The following FSHR variants were observed in gnomAD, a reference collection of about 807,000 sequenced individuals.
FSHR encodes the protein follicle-stimulating hormone receptor.
FSHR carries 46 observed loss-of-function variants against 52.1 expected under a neutral mutation model. The ratio of observed to expected loss-of-function variants is 0.88; its 90% CI spans 0.70 to 1.13. The LOEUF (loss-of-function observed/expected upper bound fraction) is 1.13, where lower values mean the gene tolerates loss of function less well. Ranked by LOEUF, FSHR falls within the 50% of genes most tolerant of loss-of-function variation. The pLI, the probability that FSHR is intolerant of heterozygous loss-of-function variation, is 0.00. For synonymous variants in FSHR, 399 were observed against 309.6 expected, an observed-to-expected ratio of 1.29 and a Z score of -3.03; for missense variants, 964 against 834.6, an observed-to-expected ratio of 1.16 and a Z score of -1.91.
chr2:49,002,400 C>T (rs1462296550), intron 4 of FSHR, among the ~76,000 whole-genome samples: 1 of 151,976 alleles, frequency 6.6e-6, no homozygotes. Flanking sequence ...GTGTATTAGT[C>T]CCTTCTCATG....
intron 1 of FSHR, among the ~76,000 whole-genome samples, chr2:49,103,302 T>C (rs1197707747): frequency 6.6e-6 from 1 of 152,166 alleles, no homozygotes; most frequent in Non-Finnish European, 1.5e-5. Context: ...TCCTCTCTTC[T>C]GTAGAAATTA....
rs1261886696 is a variant in FSHR at position 49,006,521 on chromosome 2, C to T, written c.374+10968G>A. Among the ~76,000 whole-genome samples, 3 of 152,030 alleles carry T rather than the reference C, an allele frequency of 2.0e-5. No homozygotes were observed. In the South Asian group the frequency reaches 6.2e-4, roughly 32 times the overall value. On this transcript the variant is annotated intron_variant, in intron 4 of 9. Coordinates refer to ENST00000406846, the MANE Select transcript of FSHR (RefSeq NM_000145.4). ...ATTTCCGTGGTTATTTCATTCTATT[C>T]ATTTACAGTACTCACTTCTTTCTTT...
intron 4 of FSHR, among the ~76,000 whole-genome samples, chr2:49,004,289 T>G (rs912282892): frequency 1.3e-5 from 2 of 152,228 alleles, no homozygotes; most frequent in Non-Finnish European, 2.9e-5. Flanking sequence ...CTCTAGGAGC[T>G]GCACTTTAGC....
Position 48,962,523 on chromosome 2 carries a change from C to T in FSHR, c.*210G>A. ...GGATAAAATATGTAATACAGTATTG[C>T]ATTCTTTAATTATTATTGTTGTTAC... On this transcript the variant is annotated 3_prime_UTR_variant, in exon 10 of 10. Transcript: ENST00000406846. 1.7e-6 allele frequency: 1 copy of T among 586,434 alleles called. No homozygotes were observed. The highest frequency in any genetic ancestry group is 2.0e-5 in the South Asian group (1 of 50,216). 36.3% of individuals were successfully genotyped at this position (586,434 alleles called of 1,614,324 possible). A position where few individuals can be genotyped will look rare whatever the true frequency, so the allele number is the denominator to read the frequency against.
chr2:49,079,571 A>T (rs1305327863), intron 1 of FSHR, among the ~76,000 whole-genome samples: 1 of 152,146 alleles, frequency 6.6e-6, no homozygotes, highest in African/African-American at 2.4e-5. Flanking sequence ...GAAGAAAATA[A>T]AGAGCACGGA....
chr2:48,993,874 GT>G (rs921358059), intron 4 of FSHR, among the ~76,000 whole-genome samples: 2 of 152,106 alleles, frequency 1.3e-5, no homozygotes, highest in African/African-American at 4.8e-5. Context: ...AGTTACACAT[GT>G]CATTTCTTCA....
chr2:49,022,504 A>G (rs1441525090), intron 2 of FSHR, among the ~76,000 whole-genome samples: 1 of 152,072 alleles, frequency 6.6e-6, no homozygotes, highest in Non-Finnish European at 1.5e-5. Context: ...GTCTCTAGTT[A>G]TTACTATTAT....
chr2:48,995,348 A>C (rs1393284532), intron 4 of FSHR, among the ~76,000 whole-genome samples: 3 of 152,148 alleles, frequency 2.0e-5, no homozygotes, highest in African/African-American at 7.2e-5. Flanking sequence ...CTGGAGGAAC[A>C]ATATGGGCTG....
chr2:49,063,861 A>C (rs527840014), intron 2 of FSHR, among the ~76,000 whole-genome samples: 1 of 152,276 alleles, frequency 6.6e-6, no homozygotes, highest in East Asian at 1.9e-4. Context: ...TAAATATATG[A>C]GGTGTGAGAT....
At chr2:48,992,148 C>A (rs940164391) in intron 4 of FSHR, among the ~76,000 whole-genome samples, 3 of 151,716 alleles carry the variant, frequency 2.0e-5, no homozygotes, top group Non-Finnish European at 4.4e-5. Flanking sequence ...AAAAGAGGTT[C>A]TTTTTTGAAG....
At chr2:49,044,104 T>C (rs1267127048) in intron 2 of FSHR, among the ~76,000 whole-genome samples, 3 of 152,184 alleles carry the variant, frequency 2.0e-5, no homozygotes, top group Admixed American at 1.3e-4. Context: ...TAGAACCAAA[T>C]CCTATCTGTT....
At chr2:49,020,530 C>T (rs1426233521) in intron 2 of FSHR, among the ~76,000 whole-genome samples, 2 of 149,482 alleles carry the variant, frequency 1.3e-5, no homozygotes, top group Non-Finnish European at 1.5e-5. Context: ...TTTTACAGGG[C>T]TAGATAGTAA....
At chr2:49,030,987 G>C (rs983392158) in intron 2 of FSHR, among the ~76,000 whole-genome samples, 4 of 152,190 alleles carry the variant, frequency 2.6e-5, no homozygotes, top group African/African-American at 9.7e-5. Flanking sequence ...GGAGGAATAA[G>C]AAGACTGGAT....
chr2:49,003,730 C>A (rs1050679493), intron 4 of FSHR, among the ~76,000 whole-genome samples: 1 of 152,016 alleles, frequency 6.6e-6, no homozygotes, highest in African/African-American at 2.4e-5. Context: ...AATGAATAAT[C>A]CTCCCTCCCT....
At chr2:49,075,383 TAA>T (rs1177666145) in intron 1 of FSHR, among the ~76,000 whole-genome samples, 5 of 151,786 alleles carry the variant, frequency 3.3e-5, no homozygotes, top group African/African-American at 1.2e-4. Context: ...AGAGGAAACC[TAA>T]AAGAGTGGAA....
At chr2:49,026,945 T>C (rs1464057284) in intron 2 of FSHR, among the ~76,000 whole-genome samples, 3 of 152,152 alleles carry the variant, frequency 2.0e-5, no homozygotes, top group Non-Finnish European at 4.4e-5. Flanking sequence ...CCAGCATCCC[T>C]TGTCTGTAAC....
chr2:49,030,271 AGTGTGT>A (rs141079184), intron 2 of FSHR, among the ~76,000 whole-genome samples: 3,113 of 140,390 alleles, frequency 0.022, 69 homozygotes, highest in Admixed American at 0.051. Flanking sequence ...AGGAATAGCA[AGTGTGT>A]GTGTGTGTGT....
chr2:48,990,830 T>C (rs1467018292), intron 4 of FSHR, among the ~76,000 whole-genome samples, 193 bp from the exon 5 acceptor site: 1 of 152,024 alleles, frequency 6.6e-6, no homozygotes, highest in African/African-American at 2.4e-5. Flanking sequence ...AAGCTGTTGA[T>C]TCCTCAGAGA....
At chr2:49,034,322 T>A (rs1014007596) in intron 2 of FSHR, among the ~76,000 whole-genome samples, 2 of 152,138 alleles carry the variant, frequency 1.3e-5, no homozygotes, top group Non-Finnish European at 2.9e-5. Flanking sequence ...CTGACCCCCC[T>A]TCCGAGGTCC....
Sources: gnomAD v4.1 joint callset for allele counts (sites outside exome capture counted in the v4.1 genomes callset) on GRCh38, gnomAD v4.1.1 for gene constraint, MANE v1.5 for transcripts, NCBI Gene and HGNC (gene_info 2026-07-23, HGNC 2026-07-21) for gene names.